Variants in OXNAD1 observed in about 807,000 individuals in gnomAD.
The protein encoded by OXNAD1 is oxidoreductase NAD binding domain containing 1.
Under a neutral mutation model 32.9 loss-of-function variants are expected in OXNAD1, and 34 were observed. The observed-to-expected ratio is 1.03, with a 90% confidence interval of 0.79 to 1.38. The LOEUF (loss-of-function observed/expected upper bound fraction) is 1.38, where lower values mean the gene tolerates loss of function less well. Among genes scored for constraint, OXNAD1 ranks in the 40% most tolerant of loss-of-function variants. The pLI, the probability that OXNAD1 is intolerant of heterozygous loss-of-function variation, is 0.00. For missense variants in OXNAD1, 407 were observed against 379.4 expected (o/e 1.07, Z -0.60); for synonymous variants, 134 against 135.2 (o/e 0.99, Z 0.06).
chr3:16,283,522 A>G (rs1307072110), intron 4 of OXNAD1, among the ~76,000 whole-genome samples: 3 of 152,254 alleles, frequency 2.0e-5, no homozygotes, highest in East Asian at 1.9e-4. Flanking sequence ...ATGAATGCAC[A>G]TAAAATATTT....
chr3:16,334,834 C>T lies in OXNAD1; in HGVS notation c.*31-2278C>T, dbSNP rs1455998278. Among the ~76,000 whole-genome samples, 1 of 152,148 alleles carries T rather than the reference C, an allele frequency of 6.6e-6. No individual in the cohort carries two copies. On this transcript the variant is annotated intron_variant, in intron 9 of 9. Transcript: ENST00000435829. The surrounding 1 kb of genome is among the most constrained non-coding windows in gnomAD (Gnocchi z 4.3). ...AGGATCTTGAGATGGAGAGTTTATC[C>T]AGGATTATCCAGGTGTGCCCAGTAT...
At chr3:16,266,940 G>A (rs552933475) in intron 1 of OXNAD1, among the ~76,000 whole-genome samples, 6 of 152,338 alleles carry the variant, frequency 3.9e-5, no homozygotes, top group Non-Finnish European at 7.3e-5. Flanking sequence ...CTGATTTCCG[G>A]TCAAATACTC....
At chr3:16,308,924 G>A (rs938264351), downstream of OXNAD1, among the ~76,000 whole-genome samples, 2 of 151,880 alleles carry the variant, frequency 1.3e-5, no homozygotes, top group African/African-American at 4.8e-5. This position sits in a 1 kb window ranked among gnomAD's most constrained non-coding sequence, Gnocchi z 4.4. Flanking sequence ...ACCAAAAATT[G>A]TTAAATAATT....
chr3:16,281,256 G>T (rs1455108802), intron 4 of OXNAD1, among the ~76,000 whole-genome samples: 2 of 152,166 alleles, frequency 1.3e-5, no homozygotes, highest in Non-Finnish European at 2.9e-5. Context: ...AATGAATTGT[G>T]CAGGGTATTT....
chr3:16,272,358 G>T, intron 4 of OXNAD1: 3 of 230,366 alleles, frequency 1.3e-5, no homozygotes, highest in Non-Finnish European at 2.7e-5. Flanking sequence ...ACATAAATCG[G>T]ATATTTGATT....
chr3:16,294,116 G>A (rs1248364790), intron 5 of OXNAD1, among the ~76,000 whole-genome samples: 1 of 151,922 alleles, frequency 6.6e-6, no homozygotes, highest in Non-Finnish European at 1.5e-5. Flanking sequence ...GTTCTCTTCT[G>A]TTTTTGGAAT....
rs1456502047 is a variant in OXNAD1, at chr3:16,336,457, C to T, written c.*31-655C>T. Reference sequence around the variant, plus strand: ...GCCCTCTGCAGCCAGCACAGCTGGCCTTCCTCACCCTCAGCCTCCCAGGCC... The same window carrying T: ...GCCCTCTGCAGCCAGCACAGCTGGCTTTCCTCACCCTCAGCCTCCCAGGCC... On this transcript the variant is annotated intron_variant, in intron 9 of 9. Coordinates refer to the OXNAD1 transcript ENST00000435829. This position sits in a 1 kb window ranked among gnomAD's most constrained non-coding sequence, Gnocchi z 6.0. Among the ~76,000 whole-genome samples, 1 of 152,204 alleles carries T rather than the reference C, an allele frequency of 6.6e-6. No individual in the cohort carries two copies. The highest frequency in any genetic ancestry group is 1.9e-4 in the East Asian group (1 of 5,198).
At chr3:16,331,347 A>G (rs1401376405) in intron 9 of OXNAD1, among the ~76,000 whole-genome samples, 1 of 152,252 alleles carries the variant, frequency 6.6e-6, no homozygotes, top group Non-Finnish European at 1.5e-5. Flanking sequence ...TAGTGCTCCC[A>G]TAAACATTTC....
chr3:16,345,811 TGTGTGTGC>T lies in OXNAD1; in HGVS notation c.*31-3363_*31-3356del, dbSNP rs1257184122. Reference sequence around the variant, plus strand: ...CTCTGTGTGTGTGTGTGTGTGTGTGTGTGTGTGCGCGCGCGCGTGCGCGCACGCGCACA... The same window carrying T: ...CTCTGTGTGTGTGTGTGTGTGTGTGTGCGCGCGCGTGCGCGCACGCGCACA... On this transcript the variant is annotated intron_variant, in intron 9 of 9. Transcript: ENST00000606098. The surrounding 1 kb of genome is among the most constrained non-coding windows in gnomAD (Gnocchi z 5.2). Among the ~76,000 whole-genome samples, 1 of 85,712 alleles carries T rather than the reference TGTGTGTGC, an allele frequency of 1.2e-5. No individual in the cohort carries two copies. Among genetic ancestry groups the T allele is most frequent in the Non-Finnish European group, 2.2e-5 (1 of 45,072 alleles). 56.2% of individuals were successfully genotyped at this position (85,712 alleles called of 152,430 possible). A position where few individuals can be genotyped will look rare whatever the true frequency, so the allele number is the denominator to read the frequency against.
At chr3:16,339,521 A>G (rs1196127047), downstream of OXNAD1, 1 of 152,134 alleles carries the variant, frequency 6.6e-6, no homozygotes, top group East Asian at 1.9e-4. Context: ...AGACAAATCC[A>G]CCAGAGCCAT....
rs1451454858 is a variant in OXNAD1, at chr3:16,345,374, T to C, written c.*31-3802T>C. On this transcript the variant is annotated intron_variant, in intron 9 of 9. Transcript: ENST00000606098. This position sits in a 1 kb window ranked among gnomAD's most constrained non-coding sequence, Gnocchi z 5.2. ...TGGGAAAACCTAAAGATATAGCCCC[T>C]GTTATCACATTGAGCCCTTAACTTG... 6.6e-6 allele frequency: 1 copy of C among 151,972 alleles called. No individual in the cohort carries two copies. Among genetic ancestry groups the C allele is most frequent in the East Asian group, 1.9e-4 (1 of 5,182 alleles). The allele number at this position is 151,972 out of a possible 1,614,324, so 9.4% of individuals were successfully genotyped here. A position where few individuals can be genotyped will look rare whatever the true frequency, so the allele number is the denominator to read the frequency against.
intron 4 of OXNAD1, among the ~76,000 whole-genome samples, chr3:16,277,000 C>T (rs1559731309): frequency 6.6e-6 from 1 of 150,792 alleles, no homozygotes; most frequent in Non-Finnish European, 1.5e-5. Flanking sequence ...TCTTGGCTCA[C>T]TGCAACCTCT....
At chr3:16,283,356 T>G (rs757328399) in intron 4 of OXNAD1, among the ~76,000 whole-genome samples, 1 of 152,064 alleles carries the variant, frequency 6.6e-6, no homozygotes, top group Non-Finnish European at 1.5e-5. Context: ...ATCAGATGAT[T>G]TAGGGAGGGT....
chr3:16,303,321 A>G lies in OXNAD1; in HGVS notation c.785-87A>G. 1.4e-6 allele frequency: 2 copies of G among 1,446,306 alleles called. No homozygotes were observed. The highest frequency in any genetic ancestry group is 1.9e-6 in the Non-Finnish European group (2 of 1,051,094). The allele number at this position is 1,446,306 out of a possible 1,614,324, so 89.6% of individuals were successfully genotyped here. A position where few individuals can be genotyped will look rare whatever the true frequency, so the allele number is the denominator to read the frequency against. On this transcript the variant is annotated intron_variant, in intron 8 of 8. Transcript: ENST00000285083. This position sits in a 1 kb window ranked among gnomAD's most constrained non-coding sequence, Gnocchi z 4.8. ...AGACTCACTGAACTTGGAAATAAAC[A>G]CTGTATCTGAATTGTGGTTAGTCCT...
rs2066072608 is a variant in OXNAD1 at position 16,286,376 on chromosome 3, G to T, written c.218G>T (p.Ser73Ile). 6.2e-7 allele frequency: 1 copy of T among 1,613,972 alleles called. No homozygotes were observed. Among genetic ancestry groups the T allele is most frequent in the African/African-American group, 1.3e-5 (1 of 75,054 alleles). The change falls in exon 5 of 9, where the codon AGT (serine) becomes ATT (isoleucine). Residue 73 changes from serine (S) to isoleucine (I), a missense_variant. Physicochemically the swap from Ser to Ile is moderately radical, Grantham distance 142. Coordinates refer to ENST00000285083, the MANE Select transcript of OXNAD1 (RefSeq NM_138381.5). ...GCAGCTAAGGTGTGTGGAGCTGCCA[G>T]TGAGTCACCGTCAGTGAAGAGCCTC... The part of the protein sequence containing the change: ...VSAAKVCGAA[S>I]ESPSVKSLRL...
Position 16,303,524 on chromosome 3 carries a change from G to T in OXNAD1, c.901G>T (p.Val301Leu). The change falls in exon 9 of 9, where the codon GTA (valine) becomes TTA (leucine). Residue 301 changes from valine to leucine, a missense_variant. Transcript: ENST00000285083. The surrounding 1 kb of genome is among the most constrained non-coding windows in gnomAD (Gnocchi z 4.8). ...CTCCAAGCAACTGGAAAACAACCAT[G>T]TACCCAAAGAACACATTTGCTTTGA... ...FFSKQLENNH[V>L]PKEHICFEKW... The T allele has an allele frequency of 6.2e-7, 1 of 1,613,978 alleles. No individual in the cohort carries two copies. Among genetic ancestry groups the T allele is most frequent in the Non-Finnish European group, 8.5e-7 (1 of 1,179,924 alleles).
Position 16,301,012 on chromosome 3 carries a change from A to G in OXNAD1, c.433-614A>G, listed in dbSNP as rs2067142828. On this transcript the variant is annotated intron_variant, in intron 6 of 8. Coordinates refer to ENST00000285083, the MANE Select transcript of OXNAD1 (RefSeq NM_138381.5). This position sits in a 1 kb window ranked among gnomAD's most constrained non-coding sequence, Gnocchi z 4.1. ...ACCTCACCAAATAGGTGCTTTATCT[A>G]GATAGGTCTATGTGATACTCCCTAG... 6.6e-6 allele frequency among the ~76,000 whole-genome samples: 1 copy of G among 152,192 alleles called. No individual in the cohort carries two copies. Among genetic ancestry groups the G allele is most frequent in the African/African-American group, 2.4e-5 (1 of 41,448 alleles).
intron 9 of OXNAD1, among the ~76,000 whole-genome samples, chr3:16,325,575 G>GGGGA (rs1447166202): frequency 1.3e-5 from 2 of 152,180 alleles, no homozygotes; most frequent in Non-Finnish European, 2.9e-5. Flanking sequence ...GAAGACTTGG[G>GGGGA]TTCAAGTCTT....
downstream of OXNAD1, among the ~76,000 whole-genome samples, chr3:16,307,396 TAAG>T (rs939800076): frequency 9.2e-5 from 14 of 152,098 alleles, no homozygotes; most frequent in African/African-American, 3.4e-4. Flanking sequence ...AGTGTGGTGT[TAAG>T]AAGCCTCATG....
Sources: allele counts gnomAD v4.1 joint callset (sites outside exome capture counted in the v4.1 genomes callset), GRCh38; gene constraint gnomAD v4.1.1; non-coding constraint Gnocchi (gnomAD v3.1); transcripts MANE v1.5; gene names NCBI Gene and HGNC (gene_info 2026-07-23, HGNC 2026-07-21).